Variants in FGGY observed in about 807,000 individuals in gnomAD.
The protein encoded by FGGY is FGGY carbohydrate kinase domain containing.
Under a neutral mutation model 71.3 loss-of-function variants are expected in FGGY, and 72 were observed. That is an observed-to-expected ratio of 1.01 (90% CI 0.84 to 1.23). The LOEUF (loss-of-function observed/expected upper bound fraction) is 1.23, where lower values mean the gene tolerates loss of function less well. Ranked by LOEUF, FGGY falls within the 50% of genes most tolerant of loss-of-function variation. The pLI, the probability that FGGY is intolerant of heterozygous loss-of-function variation, is 0.00. For synonymous variants in FGGY, 251 were observed against 250.3 expected (o/e 1.00, Z -0.02); for missense variants, 668 against 682.3 (o/e 0.98, Z 0.23).
intron 4 of FGGY, among the ~76,000 whole-genome samples, chr1:59,363,003 T>G (rs949367810): frequency 5.9e-5 from 9 of 152,162 alleles, no homozygotes; most frequent in African/African-American, 2.2e-4. Context: ...GATAGATGAA[T>G]GAATTATAGT....
chr1:59,505,598 GC>G (rs1313897841), intron 6 of FGGY, among the ~76,000 whole-genome samples: 1 of 152,118 alleles, frequency 6.6e-6, no homozygotes, highest in Admixed American at 6.5e-5. Context: ...ATTTCCATGG[GC>G]CTGGAACCAA....
chr1:59,559,466 G>C (rs2095749685), intron 8 of FGGY, among the ~76,000 whole-genome samples: 1 of 152,154 alleles, frequency 6.6e-6, no homozygotes, highest in African/African-American at 2.4e-5. Context: ...AAATAGTTAT[G>C]GATATATATA....
At chr1:59,731,507 C>A (rs187454696) in intron 14 of FGGY, among the ~76,000 whole-genome samples, 1 of 152,130 alleles carries the variant, frequency 6.6e-6, no homozygotes, top group African/African-American at 2.4e-5. Context: ...AGATTTTCCC[C>A]TAACCTTAAG....
rs955698352 is a variant in FGGY at position 59,517,353 on chromosome 1, C to A, written c.799+4914C>A. ...GGATCTCGGCTCACTGCAAGCTCCG[C>A]CTCCCGGGTTCACGCCATTCTCCTG... On this transcript the variant is annotated intron_variant, in intron 7 of 15. Coordinates refer to ENST00000303721, the MANE Select transcript of FGGY (RefSeq NM_018291.5). Among the ~76,000 whole-genome samples the A allele has an allele frequency of 2.0e-5, 3 of 149,076 alleles. No homozygotes were observed. In the East Asian group the frequency reaches 5.9e-4, roughly 29 times the overall value.
At chr1:59,660,364 A>G (rs2097263302) in intron 12 of FGGY, 71 bp downstream of exon 12, 2 of 1,125,402 alleles carry the variant, frequency 1.8e-6, no homozygotes, top group East Asian at 2.4e-5. Context: ...TGGCTCCCCA[A>G]GATACAGCAC....
At chr1:59,494,029 G>A (rs890803991) in intron 6 of FGGY, among the ~76,000 whole-genome samples, 3 of 152,100 alleles carry the variant, frequency 2.0e-5, no homozygotes, top group African/African-American at 7.2e-5. Flanking sequence ...GTTTGATTCA[G>A]TTCTGGGAGG....
chr1:59,305,467 T>G (rs1323492753), intron 1 of FGGY, among the ~76,000 whole-genome samples: 1 of 152,220 alleles, frequency 6.6e-6, no homozygotes, highest in African/African-American at 2.4e-5. Flanking sequence ...TAGTATTTTA[T>G]TGGGGATTTT....
chr1:59,416,137 A>G (rs2064372301), intron 5 of FGGY, among the ~76,000 whole-genome samples: 2 of 152,104 alleles, frequency 1.3e-5, no homozygotes, highest in African/African-American at 4.8e-5. Context: ...CTGCAGTGAC[A>G]ATGCAAAAAA....
intron 4 of FGGY, among the ~76,000 whole-genome samples, chr1:59,353,652 C>T (rs1006218312): frequency 6.6e-6 from 1 of 152,170 alleles, no homozygotes; most frequent in Non-Finnish European, 1.5e-5. Flanking sequence ...AATGTTTTTA[C>T]TTCACAAGAG....
At chr1:59,333,811 G>A (rs1341944998) in intron 2 of FGGY, among the ~76,000 whole-genome samples, 1 of 152,206 alleles carries the variant, frequency 6.6e-6, no homozygotes, top group Admixed American at 6.5e-5. Flanking sequence ...CAGGAAATGG[G>A]TTTGGTCCTC....
chr1:59,336,479 GT>G (rs55777640), intron 2 of FGGY, among the ~76,000 whole-genome samples: 6 of 143,872 alleles, frequency 4.2e-5, no homozygotes, highest in South Asian at 2.2e-4. Context: ...AAACCTGCTA[GT>G]TTTTTTTTTT....
chr1:59,535,529 A>AT (rs960940529), intron 7 of FGGY, among the ~76,000 whole-genome samples: 4 of 152,014 alleles, frequency 2.6e-5, no homozygotes, highest in Non-Finnish European at 4.4e-5. Flanking sequence ...CAGAATATAC[A>AT]TTTTTTTCAG....
intron 7 of FGGY, among the ~76,000 whole-genome samples, chr1:59,530,265 C>T (rs1168705789): frequency 2.6e-5 from 4 of 152,190 alleles, no homozygotes; most frequent in African/African-American, 9.7e-5. Flanking sequence ...TCACCCAGCA[C>T]TGCTAACTTA....
intron 5 of FGGY, among the ~76,000 whole-genome samples, chr1:59,441,156 T>C (rs74084804): frequency 0.014 from 2,093 of 152,228 alleles, 49 homozygotes; most frequent in African/African-American, 0.049. Context: ...TCCCATCTAC[T>C]CTCTGAGCTA....
chr1:59,365,341 G>A (rs1156270985), intron 4 of FGGY, among the ~76,000 whole-genome samples: 3 of 152,132 alleles, frequency 2.0e-5, no homozygotes, highest in Non-Finnish European at 4.4e-5. Context: ...GTGAGAGGTT[G>A]AGGAAGACTT....
At chr1:59,637,402 A>T (rs1047321670) in intron 10 of FGGY, among the ~76,000 whole-genome samples, 7 of 152,084 alleles carry the variant, frequency 4.6e-5, no homozygotes, top group African/African-American at 1.7e-4. Flanking sequence ...GGAGGCCGAG[A>T]TGTGTGGATC....
chr1:59,529,464 G>A (rs999961216), intron 7 of FGGY, among the ~76,000 whole-genome samples: 5 of 152,174 alleles, frequency 3.3e-5, no homozygotes, highest in African/African-American at 1.2e-4. Context: ...GGGAGAATAG[G>A]TGTATTCTCC....
intron 6 of FGGY, among the ~76,000 whole-genome samples, chr1:59,482,668 G>A (rs2093530749): frequency 6.7e-6 from 1 of 150,022 alleles, no homozygotes; most frequent in Admixed American, 6.7e-5. Flanking sequence ...CATATTCTGT[G>A]TCTTTTATAT....
At chr1:59,458,623 A>G (rs1424434695) in intron 6 of FGGY, among the ~76,000 whole-genome samples, 1 of 152,240 alleles carries the variant, frequency 6.6e-6, no homozygotes, top group Admixed American at 6.5e-5. Flanking sequence ...GAAGTCCATA[A>G]TGTTAATCTA....
Sources: allele counts gnomAD v4.1 joint callset (sites outside exome capture counted in the v4.1 genomes callset), GRCh38; gene constraint gnomAD v4.1.1; transcripts MANE v1.5; gene names NCBI Gene and HGNC (gene_info 2026-07-23, HGNC 2026-07-21).